Variants in LRBA observed in about 807,000 individuals in gnomAD.
LRBA encodes LPS responsive beige-like anchor protein, also known as lipopolysaccharide-responsive and beige-like anchor protein.
A neutral mutation model predicts 330.0 loss-of-function variants in LRBA; 176 were observed. That is an observed-to-expected ratio of 0.53 (90% confidence interval 0.47 to 0.60). The LOEUF (loss-of-function observed/expected upper bound fraction) is 0.60. LRBA is among the 20% of genes least tolerant of loss of function. The probability of loss-of-function intolerance (pLI) is 0.00; values close to 1 mark genes in which losing one functional copy is unlikely to be tolerated. For missense variants in LRBA, 3,259 were observed against 3,444.8 expected (o/e 0.95, Z 1.35); for synonymous variants, 1,230 against 1,193.0 (o/e 1.03, Z -0.64).
At chr4:150,800,462 T>C (rs959270160) in intron 33 of LRBA, among the ~76,000 whole-genome samples, 2 of 152,216 alleles carry the variant, frequency 1.3e-5, no homozygotes, top group Non-Finnish European at 2.9e-5. Context: ...CATCAAAATG[T>C]AGAACTTACG....
At chr4:150,288,047 G>A (rs1306029434) in intron 53 of LRBA, among the ~76,000 whole-genome samples, 1 of 150,972 alleles carries the variant, frequency 6.6e-6, no homozygotes, top group Admixed American at 6.6e-5. Flanking sequence ...GCTGGAATGC[G>A]GTGGTGCGAT....
chr4:150,545,633 A>T (rs981173544), intron 40 of LRBA, among the ~76,000 whole-genome samples: 1 of 152,180 alleles, frequency 6.6e-6, no homozygotes, highest in African/African-American at 2.4e-5. Context: ...CTTTAAAAAT[A>T]GGTTTATATG....
At chr4:150,502,281 T>C (rs1760386029) in intron 40 of LRBA, among the ~76,000 whole-genome samples, 1 of 152,224 alleles carries the variant, frequency 6.6e-6, no homozygotes, top group Non-Finnish European at 1.5e-5. Context: ...GGGGGAAAGT[T>C]AGCTCTAGAC....
At chr4:150,485,566 CAG>C (rs1757779431) in intron 42 of LRBA, among the ~76,000 whole-genome samples, 1 of 151,858 alleles carries the variant, frequency 6.6e-6, no homozygotes, top group African/African-American at 2.4e-5. Context: ...AACCTGGACA[CAG>C]AGACATACAC....
chr4:150,444,697 C>T (rs1752361171), intron 44 of LRBA, among the ~76,000 whole-genome samples: 1 of 152,124 alleles, frequency 6.6e-6, no homozygotes, highest in Non-Finnish European at 1.5e-5. Context: ...TTTTTAATCC[C>T]TTGAAAACAC....
At chr4:150,511,621 C>T (rs1164854253) in intron 40 of LRBA, among the ~76,000 whole-genome samples, 2 of 152,218 alleles carry the variant, frequency 1.3e-5, no homozygotes, top group African/African-American at 4.8e-5. Context: ...ATAGCGGTAG[C>T]AGCAACAAAC....
intron 2 of LRBA, among the ~76,000 whole-genome samples, chr4:150,996,204 T>C (rs1159135136): frequency 6.6e-6 from 1 of 152,168 alleles, no homozygotes; most frequent in African/African-American, 2.4e-5. Context: ...GTTTACATCC[T>C]ATGACAATGA....
At chr4:150,709,569 T>A (rs1302753730) in intron 36 of LRBA, among the ~76,000 whole-genome samples, 1 of 151,902 alleles carries the variant, frequency 6.6e-6, no homozygotes. Context: ...AAAAAAGAAA[T>A]CAAATGTGTG....
chr4:150,917,272 A>G (rs1732738459), intron 5 of LRBA, among the ~76,000 whole-genome samples: 2 of 150,082 alleles, frequency 1.3e-5, no homozygotes, highest in South Asian at 4.1e-4. Flanking sequence ...TGTTAATTAA[A>G]TGAAAAAAAA....
At chr4:150,523,849 T>C (rs1051398299) in intron 40 of LRBA, among the ~76,000 whole-genome samples, 1 of 152,102 alleles carries the variant, frequency 6.6e-6, no homozygotes, top group South Asian at 2.1e-4. Flanking sequence ...CACAAATACA[T>C]ACTAGATTTT....
chr4:150,944,836 A>G (rs1736068442), intron 2 of LRBA, among the ~76,000 whole-genome samples: 1 of 152,194 alleles, frequency 6.6e-6, no homozygotes. Flanking sequence ...CGTGGGAAGG[A>G]CCCAGTGGTG....
intron 51 of LRBA, among the ~76,000 whole-genome samples, chr4:150,313,638 T>C (rs926769067): frequency 6.6e-6 from 1 of 152,004 alleles, no homozygotes; most frequent in African/African-American, 2.4e-5. Flanking sequence ...ATTTCTTTTT[T>C]ATTTATGGTG....
Position 150,704,033 on chromosome 4 carries a change from C to T in LRBA, c.5755-20316G>A, listed in dbSNP as rs764612751. Among the ~76,000 whole-genome samples, 144 of 151,962 alleles carry T rather than the reference C, an allele frequency of 9.5e-4. 1 individual carries two copies. Among genetic ancestry groups the T allele is most frequent in the Admixed American group, 1.4e-3 (21 of 15,272 alleles). ...TCTCCTGCACAATATATAGCAAGAC[C>T]CCATCTCTACAAAAAAAAATTTTTT... On this transcript the variant is annotated intron_variant, in intron 36 of 56. Transcript: ENST00000651943.
chr4:150,385,871 G>A (rs1024453492), intron 47 of LRBA, among the ~76,000 whole-genome samples: 1 of 152,180 alleles, frequency 6.6e-6, no homozygotes, highest in African/African-American at 2.4e-5. Context: ...GAGGGCAAAT[G>A]TGGCAATAGC....
intron 40 of LRBA, among the ~76,000 whole-genome samples, chr4:150,533,121 T>C (rs926090270): frequency 6.6e-6 from 1 of 152,182 alleles, no homozygotes; most frequent in Admixed American, 6.5e-5. Context: ...TGTTAGCAAC[T>C]GACAATATCA....
intron 36 of LRBA, among the ~76,000 whole-genome samples, chr4:150,715,069 C>A (rs1435031898): frequency 6.6e-6 from 1 of 152,196 alleles, no homozygotes; most frequent in Non-Finnish European, 1.5e-5. Flanking sequence ...GAAAAAATTT[C>A]ACTTACCAAC....
intron 47 of LRBA, among the ~76,000 whole-genome samples, chr4:150,411,597 C>T (rs138607605): frequency 7.5e-4 from 114 of 152,248 alleles, no homozygotes; most frequent in Middle Eastern, 6.8e-3. Context: ...CCTGTTCAAC[C>T]TGAGGACCAT....
chr4:150,848,699 T>C (rs565613598), intron 26 of LRBA, 119 bp downstream of exon 26: 40 of 746,562 alleles, frequency 5.4e-5, no homozygotes, highest in Middle Eastern at 2.8e-4. Context: ...AAAGTAACCA[T>C]ATGACAAATT....
chr4:150,780,660 C>CGT (rs746248518), intron 34 of LRBA, among the ~76,000 whole-genome samples: 1,611 of 14,104 alleles, frequency 0.11, 12 homozygotes, highest in Non-Finnish European at 0.21. Context: ...TATATATATA[C>CGT]GTGTGTGTGT....
Sources: gnomAD v4.1 joint callset for allele counts (sites outside exome capture counted in the v4.1 genomes callset) on GRCh38, gnomAD v4.1.1 for gene constraint, MANE v1.5 for transcripts, NCBI Gene and HGNC (gene_info 2026-07-23, HGNC 2026-07-21) for gene names.